The following SNRPA variants were observed in gnomAD, a reference collection of about 807,000 sequenced individuals.
The protein encoded by SNRPA is U1 small nuclear ribonucleoprotein A.
SNRPA carries 10 observed loss-of-function variants against 24.5 expected under a neutral mutation model. The ratio of observed to expected loss-of-function variants is 0.41; its 90% CI spans 0.25 to 0.69. The LOEUF (loss-of-function observed/expected upper bound fraction) is 0.69, where lower values mean the gene tolerates loss of function less well. SNRPA is among the 30% of genes least tolerant of loss of function. The pLI, the probability that SNRPA is intolerant of heterozygous loss-of-function variation, is 0.33. For missense variants in SNRPA, 283 were observed against 394.7 expected, an observed-to-expected ratio of 0.72 and a Z score of 2.40; for synonymous variants, 165 against 148.4, an observed-to-expected ratio of 1.11 and a Z score of -0.81.
At chr19:40,754,818 A>G (rs80208490) in intron 1 of SNRPA, among the ~76,000 whole-genome samples, 2,632 of 152,174 alleles carry the variant, frequency 0.017, 34 homozygotes, top group Non-Finnish European at 0.025. Context: ...ATATCCTCCC[A>G]GCTGTGGAGG....
chr19:40,752,938 T>A (rs1383993786), intron 1 of SNRPA, among the ~76,000 whole-genome samples: 1 of 152,204 alleles, frequency 6.6e-6, no homozygotes, highest in African/African-American at 2.4e-5. Context: ...TTTTTTATGG[T>A]AACTGGCAGC....
chr19:40,753,667 G>C (rs1336326826), intron 1 of SNRPA, among the ~76,000 whole-genome samples: 2 of 151,966 alleles, frequency 1.3e-5, no homozygotes, highest in Non-Finnish European at 2.9e-5. Flanking sequence ...AAAGTGCTGG[G>C]ATTACAGGTG....
chr19:40,763,624 C>G lies in SNRPA; in HGVS notation c.638C>G (p.Thr213Ser). ...ENPPNHILFL[T>S]NLPEETNELM... ...CCACCGAATCACATCTTGTTCCTCA[C>G]CAACCTGCCAGAGGAGACCAACGAG... The change falls in exon 5 of 6, where the codon ACC (threonine) becomes AGC (serine). Residue 213 changes from threonine (T) to serine (S), a missense_variant. By Grantham distance (58) the Thr-to-Ser change is moderately conservative. Around this residue, in one of 6 missense-constraint regions of SNRPA, gnomAD observed 51 missense variants for 110.3 expected, o/e 0.46. Transcript: ENST00000243563. 2 of 1,614,156 alleles carry G rather than the reference C, an allele frequency of 1.2e-6. No homozygotes were observed. Among genetic ancestry groups the G allele is most frequent in the Non-Finnish European group, 1.7e-6 (2 of 1,180,008 alleles).
chr19:40,757,333 G>A lies in SNRPA; in HGVS notation c.75G>A (p.Glu25=). The change falls in exon 2 of 6, where the codon GAG becomes GAA. Residue 25 remains glutamate, a splice_region_variant and synonymous_variant. Transcript: ENST00000243563. The part of the protein sequence containing the change: ...NNLNEKIKKD[E]LKKSLYAIFS... ...AGGTCTTTTTTTCCCCCACTGCAGA[G>A]CTAAAAAAGTCCCTGTACGCCATCT... The A allele has an allele frequency of 6.2e-7, 1 of 1,613,952 alleles. No homozygotes were observed. The highest frequency in any genetic ancestry group is 2.2e-5 in the East Asian group (1 of 44,876).
intron 1 of SNRPA, among the ~76,000 whole-genome samples, chr19:40,753,851 C>CA (rs1342065349): frequency 1.3e-5 from 2 of 151,856 alleles, no homozygotes; most frequent in Non-Finnish European, 1.5e-5. Context: ...GGCTGGAGTG[C>CA]AGTGGCACCA....
At chr19:40,762,130 A>G (rs2145015171) in intron 3 of SNRPA, among the ~76,000 whole-genome samples, 1 of 152,152 alleles carries the variant, frequency 6.6e-6, no homozygotes, top group South Asian at 2.1e-4. Context: ...GCTGCCTGCC[A>G]TCTGTTGTCT....
intron 1 of SNRPA, among the ~76,000 whole-genome samples, chr19:40,753,460 G>A (rs1448135463): frequency 1.8e-5 from 2 of 111,998 alleles, no homozygotes; most frequent in Non-Finnish European, 3.3e-5. Context: ...GCAGTGGCAC[G>A]ATCTTGGCTC....
chr19:40,762,828 G>T (rs1031645942), intron 3 of SNRPA, 73 bp from the exon 4 acceptor site: 1 of 1,503,056 alleles, frequency 6.7e-7, no homozygotes, highest in Admixed American at 1.9e-5. Flanking sequence ...TCACCCGCTA[G>T]GTTTCCTTTC....
At chr19:40,757,140 CATCTTACAGA>C (rs1385972325) in intron 1 of SNRPA, 182 bp from the exon 2 acceptor site, 1 of 596,942 alleles carries the variant, frequency 1.7e-6, no homozygotes, top group Non-Finnish European at 3.0e-6. Flanking sequence ...TCTGTAAGCA[CATCTTACAGA>C]AGAGTAGAAG....
chr19:40,761,458 CTT>C (rs200242370), intron 3 of SNRPA, among the ~76,000 whole-genome samples: 1,388 of 85,596 alleles, frequency 0.016, 2 homozygotes, highest in African/African-American at 0.053. Flanking sequence ...TTTTCTTTTT[CTT>C]TTTTTTTTTT....
Position 40,751,423 on chromosome 19 carries a change from G to C in SNRPA, c.15G>C (p.Glu5Asp), listed in dbSNP as rs916702751. 6.2e-7 allele frequency: 1 copy of C among 1,613,486 alleles called. No individual in the cohort carries two copies. Among genetic ancestry groups the C allele is most frequent in the African/African-American group, 1.3e-5 (1 of 74,984 alleles). The part of the protein sequence containing the change: MAVP[E>D]TRPNHTIYIN... ...CACTTCACTCCATGGCAGTTCCCGA[G>C]ACCCGCCCTAACCACACTATTTATA... is the stretch of plus-strand genomic sequence containing the variant. The change falls in exon 1 of 6, where the codon GAG becomes GAC. Residue 5 changes from glutamate to aspartate, a missense_variant. Glu to Asp is a conservative substitution (Grantham distance 45). This residue lies in a region of SNRPA where 32 missense variants were observed against 26.8 expected (regional missense o/e 1.19). Transcript: ENST00000243563.
At position 40,765,135 on chromosome 19, in the gene SNRPA, A is replaced by G; in HGVS notation, c.817A>G (p.Asn273Asp). Residue 273 changes from asparagine (N) to aspartate (D), a missense_variant, in exon 6 of 6, where the codon AAC (asparagine) becomes GAC (aspartate). Physicochemically the swap from Asn to Asp is conservative, Grantham distance 23. Transcript: ENST00000243563. ...GCAGGGCTTTAAGATCACGCAGAAC[A>G]ACGCCATGAAGATCTCCTTTGCCAA... Reference protein sequence around the residue: ...ALQGFKITQNNAMKISFAKK With the variant: ...ALQGFKITQNDAMKISFAKK 3 of 1,553,256 alleles carry G rather than the reference A, an allele frequency of 1.9e-6. No individual in the cohort carries two copies. Among genetic ancestry groups the G allele is most frequent in the Non-Finnish European group, 2.6e-6 (3 of 1,150,226 alleles).
chr19:40,755,084 C>CT (rs997492211), intron 1 of SNRPA, among the ~76,000 whole-genome samples: 49 of 146,994 alleles, frequency 3.3e-4, no homozygotes, highest in Admixed American at 4.1e-4. Flanking sequence ...TTCAGCTTAG[C>CT]TTTTTTTTTT....
rs775573296 is a variant in SNRPA at position 40,757,317 on chromosome 19, T to C, written c.74-15T>C. 4.3e-6 allele frequency: 7 copies of C among 1,613,698 alleles called. No homozygotes were observed. The East Asian group carries it at 6.7e-5, about 15-fold the overall frequency. ...AAAAAGGGGAGCTCAAAGGTCTTTT[T>C]TTCCCCCACTGCAGAGCTAAAAAAG... On this transcript the variant is annotated splice_polypyrimidine_tract_variant and intron_variant, in intron 1 of 5. Transcript: ENST00000243563.
Position 40,757,312 on chromosome 19 carries a change from C to T in SNRPA, c.74-20C>T. On this transcript the variant is annotated intron_variant, in intron 1 of 5. Coordinates refer to ENST00000243563, the MANE Select transcript of SNRPA (RefSeq NM_004596.5). The stretch of plus-strand genomic sequence containing the variant: ...CTTCTAAAAAGGGGAGCTCAAAGGT[C>T]TTTTTTTCCCCCACTGCAGAGCTAA... 1 of 1,612,698 alleles carries T rather than the reference C, an allele frequency of 6.2e-7. No individual in the cohort carries two copies. The highest frequency in any genetic ancestry group is 8.5e-7 in the Non-Finnish European group (1 of 1,179,198).
chr19:40,753,941 A>G (rs1409248722), intron 1 of SNRPA, among the ~76,000 whole-genome samples: 1 of 149,972 alleles, frequency 6.7e-6, no homozygotes, highest in Non-Finnish European at 1.5e-5. Flanking sequence ...AGCTGGGACT[A>G]CAGGCGCCCA....
intron 1 of SNRPA, among the ~76,000 whole-genome samples, chr19:40,754,969 C>G (rs2082902171): frequency 6.6e-6 from 1 of 152,130 alleles, no homozygotes; most frequent in African/African-American, 2.4e-5. Context: ...GAATTTTTGA[C>G]TAATTGCTTA....
At chr19:40,752,262 A>C (rs1028866761) in intron 1 of SNRPA, among the ~76,000 whole-genome samples, 8 of 151,840 alleles carry the variant, frequency 5.3e-5, no homozygotes, top group Admixed American at 4.6e-4. Flanking sequence ...GCTTGAACCC[A>C]GGAGACGGAG....
intron 1 of SNRPA, among the ~76,000 whole-genome samples, chr19:40,754,882 C>T (rs1191432399): frequency 2.6e-5 from 4 of 151,984 alleles, no homozygotes; most frequent in Non-Finnish European, 2.9e-5. Context: ...CCCAGAGTCC[C>T]GTGGAATGAG....
Sources: gnomAD v4.1 joint callset for allele counts (sites outside exome capture counted in the v4.1 genomes callset) on GRCh38, gnomAD v4.1.1 for gene constraint, gnomAD v4.1.1 regional missense constraint, MANE v1.5 for transcripts, NCBI Gene and HGNC (gene_info 2026-07-23, HGNC 2026-07-21) for gene names.